RABL2B: variants seen among roughly 807,000 people sequenced by gnomAD.
RABL2B encodes RAB, member of RAS oncogene family like 2B, also known as rab-like protein 2B.
In RABL2B, 17 loss-of-function variants were observed where a neutral mutation model predicts 26.7. The observed-to-expected ratio is 0.64, with a 90% CI of 0.44 to 0.95. The LOEUF (loss-of-function observed/expected upper bound fraction) is 0.95, where lower values mean the gene tolerates loss of function less well. Among genes scored for constraint, RABL2B ranks in the 40% least tolerant of loss-of-function variants. RABL2B has a pLI of 0.00. For synonymous variants in RABL2B, 70 were observed against 103.9 expected (o/e 0.67, Z 1.99); for missense variants, 170 against 277.2 (o/e 0.61, Z 2.75).
At chr22:50,780,882 G>A (rs1309072677) in intron 2 of RABL2B, among the ~76,000 whole-genome samples, 2 of 152,106 alleles carry the variant, frequency 1.3e-5, no homozygotes, top group Non-Finnish European at 1.5e-5. Flanking sequence ...TATTAAAGTG[G>A]CAATTTGCTT....
At chr22:50,778,263 C>A (rs1414825881) in intron 2 of RABL2B, among the ~76,000 whole-genome samples, 1 of 149,590 alleles carries the variant, frequency 6.7e-6, no homozygotes, top group Non-Finnish European at 1.5e-5. Context: ...ATGCAATTAC[C>A]CTTGTGTTAT....
At position 50,767,662 on chromosome 22, in the gene RABL2B, C is replaced by G. The variant is rs1381448980; in HGVS notation, c.*1114G>C. ...AACAGGCATATCTGCTAGCTCTCCT[C>G]TTGCAGTCCTCAGCCTCCCACAGGA... On this transcript the variant is annotated 3_prime_UTR_variant, in exon 9 of 9. Transcript: ENST00000691320. The G allele has an allele frequency of 2.4e-6, 1 of 421,914 alleles. No individual in the cohort carries two copies. Among genetic ancestry groups the G allele is most frequent in the Non-Finnish European group, 4.7e-6 (1 of 213,590 alleles). The allele number at this position is 421,914 out of a possible 1,614,324, so 26.1% of individuals were successfully genotyped here. A position where few individuals can be genotyped will look rare whatever the true frequency, so the allele number is the denominator to read the frequency against.
In RABL2B at chr22:50,770,017, C is replaced by T. The variant is rs782253224; in HGVS notation, c.298-1G>A. ...TGACTTTCCTCTGTACATCAAACACCTGCAAAGGGCAGAGGAAGAAAGATA... is the reference window on the plus strand; with the variant it reads ...TGACTTTCCTCTGTACATCAAACACTTGCAAAGGGCAGAGGAAGAAAGATA... On this transcript the variant is annotated splice_acceptor_variant, in intron 5 of 8. Coordinates refer to ENST00000691320, the MANE Select transcript of RABL2B (RefSeq NM_001130919.3). LOFTEE classifies it high-confidence loss of function. 1.9e-5 allele frequency: 31 copies of T among 1,613,898 alleles called. No individual in the cohort carries two copies. The South Asian group carries it at 3.3e-4, about 17-fold the overall frequency.
At chr22:50,770,286 TG>T (rs1403618498) in intron 5 of RABL2B, 1 of 469,576 alleles carries the variant, frequency 2.1e-6, no homozygotes, top group Non-Finnish European at 3.7e-6. Context: ...GAGGTTGAGG[TG>T]GGTCAATCAC....
At chr22:50,780,520 A>C (rs1287817701) in intron 2 of RABL2B, 1 of 366,904 alleles carries the variant, frequency 2.7e-6, no homozygotes, top group African/African-American at 2.2e-5. Flanking sequence ...TTTTAGCCCA[A>C]CTGAGTTTAG....
chr22:50,768,061 T>TG lies in RABL2B; in HGVS notation c.*714dup. On this transcript the variant is annotated 3_prime_UTR_variant, in exon 9 of 9. Coordinates refer to ENST00000691320, the MANE Select transcript of RABL2B (RefSeq NM_001130919.3). ...CGAGGTGAGGAGATCGAGACCATCC[T>TG]GGGCAACATGGTGAAACCCCGTCTC... 4.3e-6 allele frequency: 1 copy of TG among 231,092 alleles called. No homozygotes were observed. Among genetic ancestry groups the TG allele is most frequent in the Non-Finnish European group, 8.7e-6 (1 of 114,664 alleles). The allele number at this position is 231,092 out of a possible 1,614,324, so 14.3% of individuals were successfully genotyped here. A position where few individuals can be genotyped will look rare whatever the true frequency, so the allele number is the denominator to read the frequency against.
At chr22:50,777,153 C>T (rs1479800661) in intron 3 of RABL2B, among the ~76,000 whole-genome samples, 3 of 152,218 alleles carry the variant, frequency 2.0e-5, no homozygotes, top group African/African-American at 7.2e-5. Flanking sequence ...GACAAAAGCT[C>T]CCACAAGCCA....
At chr22:50,775,328 C>A (rs1252885072) in intron 5 of RABL2B, among the ~76,000 whole-genome samples, 2 of 152,020 alleles carry the variant, frequency 1.3e-5, no homozygotes, top group South Asian at 2.1e-4. Flanking sequence ...ATGGGAGGCT[C>A]GGGGGGAGGC....
chr22:50,782,099 G>T (rs1569199112), intron 2 of RABL2B, 89 bp downstream of exon 2: 1 of 757,606 alleles, frequency 1.3e-6, no homozygotes, highest in Middle Eastern at 3.8e-4. Context: ...CCAGCCCCAA[G>T]AAGCCATGCT....
At chr22:50,774,636 G>A (rs1392511426) in intron 5 of RABL2B, among the ~76,000 whole-genome samples, 8 of 149,766 alleles carry the variant, frequency 5.3e-5, no homozygotes, top group African/African-American at 7.4e-5. Context: ...CCAAGTTTTG[G>A]GGTTTTGTGT....
intron 2 of RABL2B, among the ~76,000 whole-genome samples, chr22:50,780,235 G>GA (rs574044803): frequency 0.077 from 10,442 of 135,142 alleles, 392 homozygotes; most frequent in African/African-American, 0.092. Flanking sequence ...TGCTGCATGA[G>GA]AAAAAAAAAA....
At chr22:50,775,551 T>C (rs1461245234) in intron 5 of RABL2B, among the ~76,000 whole-genome samples, 5 of 152,200 alleles carry the variant, frequency 3.3e-5, no homozygotes, top group African/African-American at 1.2e-4. Flanking sequence ...AGCTTGCTGT[T>C]CCACCTTTTC....
chr22:50,767,842 C>G lies in RABL2B; in HGVS notation c.*934G>C, dbSNP rs2083617427. 1 of 428,212 alleles carries G rather than the reference C, an allele frequency of 2.3e-6. No individual in the cohort carries two copies. The highest frequency in any genetic ancestry group is 1.7e-5 in the South Asian group (1 of 60,114). 26.5% of individuals were successfully genotyped at this position (428,212 alleles called of 1,614,324 possible). The stretch of plus-strand genomic sequence containing the variant: ...ACGGCTTGTGTATTCCTAACTATAG[C>G]TAGGCCTGTCACCTGCTGTTCCTGT... On this transcript the variant is annotated 3_prime_UTR_variant, in exon 9 of 9. Transcript: ENST00000691320.
chr22:50,781,496 G>A (rs1285094394), intron 2 of RABL2B, among the ~76,000 whole-genome samples: 1 of 152,016 alleles, frequency 6.6e-6, no homozygotes, highest in East Asian at 1.9e-4. Context: ...AGCTACCTGA[G>A]TCAAAGGACT....
chr22:50,778,080 G>A (rs1432704057), intron 2 of RABL2B, 99 bp from the exon 3 acceptor site: 1 of 1,556,436 alleles, frequency 6.4e-7, no homozygotes, highest in African/African-American at 1.4e-5. Context: ...GCCACCTGTG[G>A]CTTCCCTTCC....
intron 4 of RABL2B, 34 bp from the exon 5 acceptor site, chr22:50,775,885 G>A: frequency 2.5e-6 from 4 of 1,614,124 alleles, no homozygotes; most frequent in Non-Finnish European, 3.4e-6. Flanking sequence ...CTACATGCCT[G>A]GTGCACTTCT....
chr22:50,776,480 T>C (rs2085004852), intron 4 of RABL2B, among the ~76,000 whole-genome samples, 190 bp downstream of exon 4: 1 of 152,230 alleles, frequency 6.6e-6, no homozygotes, highest in South Asian at 2.1e-4. Flanking sequence ...GGGCTGGGAC[T>C]TGGCCCCTGC....
chr22:50,773,864 T>C (rs1425984197), intron 5 of RABL2B, among the ~76,000 whole-genome samples: 1 of 151,500 alleles, frequency 6.6e-6, no homozygotes, highest in East Asian at 1.9e-4. Context: ...GCTAGAAAGG[T>C]GGGTGTCTAA....
Position 50,781,400 on chromosome 22 carries a change from A to AAGAGAGAG in RABL2B, c.107+780_107+787dup, listed in dbSNP as rs3044691. On this transcript the variant is annotated intron_variant, in intron 2 of 8. Coordinates refer to ENST00000691320, the MANE Select transcript of RABL2B (RefSeq NM_001130919.3). ...TGCAGTATGTGATTGTGTGGTGGGG[A>AAGAGAGAG]AGAGAGAGAGAGAGAGAGAGAGACA... is the stretch of plus-strand genomic sequence containing the variant. Among the ~76,000 whole-genome samples the AAGAGAGAG allele has an allele frequency of 5.8e-3, 829 of 141,760 alleles. 12 individuals are homozygous for AAGAGAGAG. The highest frequency in any genetic ancestry group is 0.03 in the Admixed American group (419 of 13,936). The allele number at this position is 141,760 out of a possible 152,430, so 93.0% of individuals were successfully genotyped here.
Sources: gnomAD v4.1 joint callset for allele counts (sites outside exome capture counted in the v4.1 genomes callset) on GRCh38, gnomAD v4.1.1 for gene constraint, MANE v1.5 for transcripts, NCBI Gene and HGNC (gene_info 2026-07-23, HGNC 2026-07-21) for gene names.